The following DNAH6 variants were observed in gnomAD, a reference collection of about 807,000 sequenced individuals.
The protein encoded by DNAH6 is axonemal beta dynein heavy chain 6.
Under a neutral mutation model 491.4 loss-of-function variants are expected in DNAH6, and 340 were observed. The observed-to-expected ratio is 0.69, with a 90% CI of 0.63 to 0.76. DNAH6 has a LOEUF of 0.76. Among genes scored for constraint, DNAH6 ranks in the 30% least tolerant of loss-of-function variants. The probability of loss-of-function intolerance (pLI) is 0.00; values close to 1 mark genes in which losing one functional copy is unlikely to be tolerated. For missense variants in DNAH6, 4,443 were observed against 4,972.2 expected (o/e 0.89, Z 3.20); for synonymous variants, 1,603 against 1,686.1 (o/e 0.95, Z 1.21).
chr2:84,640,444 T>C lies in DNAH6; in HGVS notation c.4836T>C (p.Ser1612=). ...YALIAEVILY[S]EGFESSKILA... is the part of the protein sequence containing the mutation. ...TTCTATTCTAGGTAATTCTATATTC[T>C]GAAGGATTTGAATCCAGTAAAATAT... The change falls in exon 32 of 77, where the codon TCT becomes TCC. Residue 1612 remains serine, a synonymous_variant. Transcript: ENST00000389394. 1.1e-5 allele frequency: 16 copies of C among 1,503,108 alleles called. No homozygotes were observed. The highest frequency in any genetic ancestry group is 1.5e-5 in the Non-Finnish European group (16 of 1,103,288). The allele number at this position is 1,503,108 out of a possible 1,614,324, so 93.1% of individuals were successfully genotyped here.
intron 58 of DNAH6, among the ~76,000 whole-genome samples, chr2:84,717,146 C>T (rs1697615340): frequency 6.6e-6 from 1 of 152,176 alleles, no homozygotes; most frequent in African/African-American, 2.4e-5. Context: ...CTTCTGTCTT[C>T]CTTTCTATTT....
intron 13 of DNAH6, 55 bp from the exon 14 acceptor site, chr2:84,579,472 A>G (rs1682797479): frequency 1.3e-6 from 2 of 1,574,388 alleles, no homozygotes; most frequent in Middle Eastern, 1.7e-4. Context: ...TCTGAAATAC[A>G]TAATAAAATG....
chr2:84,816,659 G>A (rs1012154064), intron 76 of DNAH6, among the ~76,000 whole-genome samples: 2 of 152,158 alleles, frequency 1.3e-5, no homozygotes, highest in African/African-American at 4.8e-5. Flanking sequence ...GGAGGCGGAG[G>A]TTGCAGTGAG....
chr2:84,662,357 G>A lies in DNAH6; in HGVS notation c.6084+3188G>A, dbSNP rs578007361. On this transcript the variant is annotated intron_variant, in intron 37 of 76. Transcript: ENST00000389394. Reference sequence around the variant, plus strand: ...TTGGGTAATTCCCTTTCCTAGCCAAGGGAAGCCGTGACAGGCAGTACCTGG... The same window carrying A: ...TTGGGTAATTCCCTTTCCTAGCCAAAGGAAGCCGTGACAGGCAGTACCTGG... 7.4e-4 allele frequency among the ~76,000 whole-genome samples: 113 copies of A among 152,316 alleles called. 2 individuals are homozygous for A. Among genetic ancestry groups the A allele is most frequent in the African/African-American group, 2.4e-3 (98 of 41,562 alleles).
At chr2:84,771,859 T>G (rs1045966792) in intron 64 of DNAH6, among the ~76,000 whole-genome samples, 1 of 152,174 alleles carries the variant, frequency 6.6e-6, no homozygotes, top group Non-Finnish European at 1.5e-5. Context: ...GAAAGGACAC[T>G]AGACAGTAAA....
intron 64 of DNAH6, among the ~76,000 whole-genome samples, chr2:84,768,777 A>T (rs891667541): frequency 6.6e-6 from 1 of 152,232 alleles, no homozygotes; most frequent in Non-Finnish European, 1.5e-5. Context: ...TATATATTCA[A>T]TGCCACCAAA....
Position 84,699,621 on chromosome 2 carries a change from C to T in DNAH6, c.7705C>T (p.Arg2569Cys), listed in dbSNP as rs1428887330. Residue 2569 changes from arginine to cysteine, a missense_variant, in exon 48 of 77, where the codon CGT (arginine) becomes TGT (cysteine). By Grantham distance (180) the Arg-to-Cys change is radical. Coordinates refer to ENST00000389394, the MANE Select transcript of DNAH6 (RefSeq NM_001370.2). ...EVFQYFISKVRQKLHIVLCMS... is the reference protein window; with the variant it reads ...EVFQYFISKVCQKLHIVLCMS... ...GTTTCAATACTTTATCAGCAAAGTG[C>T]GTCAGAAGCTGCACATTGTTCTCTG... is the stretch of plus-strand genomic sequence containing the variant. 1.2e-5 allele frequency: 19 copies of T among 1,550,682 alleles called. No individual in the cohort carries two copies. Among genetic ancestry groups the T allele is most frequent in the Admixed American group, 2.0e-5 (1 of 50,728 alleles).
chr2:84,697,988 C>G (rs1695548972), intron 47 of DNAH6: 3 of 492,466 alleles, frequency 6.1e-6, no homozygotes, highest in Non-Finnish European at 3.7e-6. Flanking sequence ...GCCAGCCTCT[C>G]TTATTCCTCT....
chr2:84,524,197 T>A (rs1443803097), intron 2 of DNAH6, among the ~76,000 whole-genome samples: 1 of 151,878 alleles, frequency 6.6e-6, no homozygotes, highest in Non-Finnish European at 1.5e-5. Flanking sequence ...CATTATGTAA[T>A]GCCCTTTTTT....
At chr2:84,761,234 TCA>T (rs983409194) in intron 63 of DNAH6, among the ~76,000 whole-genome samples, 1 of 151,902 alleles carries the variant, frequency 6.6e-6, no homozygotes, top group Non-Finnish European at 1.5e-5. Context: ...AAGGCAAATA[TCA>T]CATGTTCTCA....
At chr2:84,696,195 A>G (rs1695365034) in intron 46 of DNAH6, among the ~76,000 whole-genome samples, 1 of 151,840 alleles carries the variant, frequency 6.6e-6, no homozygotes, top group East Asian at 1.9e-4. Context: ...CAGAGAAAGC[A>G]AATATTTTCT....
chr2:84,697,934 A>G, intron 47 of DNAH6: 1 of 578,198 alleles, frequency 1.7e-6, no homozygotes, highest in Non-Finnish European at 3.0e-6. Flanking sequence ...AGCAGAAAAC[A>G]GAAATCCCAT....
intron 11 of DNAH6, among the ~76,000 whole-genome samples, chr2:84,571,129 T>C (rs1033072537): frequency 6.6e-6 from 1 of 152,246 alleles, no homozygotes; most frequent in Non-Finnish European, 1.5e-5. Context: ...TGTGAAATAA[T>C]GAATTAACAA....
At position 84,695,680 on chromosome 2, in the gene DNAH6, A is replaced by T. The variant is rs559970938; in HGVS notation, c.7524+1200A>T. On this transcript the variant is annotated intron_variant, in intron 46 of 76. Coordinates refer to ENST00000389394, the MANE Select transcript of DNAH6 (RefSeq NM_001370.2). ...TCCACATTTTAATGTATATCTAGAC[A>T]TGTATGCCCTGTGTACAAAGAGAAA... Among the ~76,000 whole-genome samples the T allele has an allele frequency of 1.0e-3, 153 of 152,200 alleles. 1 individual carries two copies. The highest frequency in any genetic ancestry group is 1.8e-3 in the Non-Finnish European group (124 of 67,904).
intron 9 of DNAH6, among the ~76,000 whole-genome samples, chr2:84,550,297 G>A (rs1679207692): frequency 2.0e-5 from 3 of 152,140 alleles, no homozygotes; most frequent in Admixed American, 2.0e-4. Context: ...GCATTAGTTA[G>A]AGTCTCATAA....
Position 84,552,926 on chromosome 2 carries a change from T to C in DNAH6, c.1494T>C (p.Leu498=), listed in dbSNP as rs1332234532. 1 of 1,606,686 alleles carries C rather than the reference T, an allele frequency of 6.2e-7. No homozygotes were observed. The highest frequency in any genetic ancestry group is 1.3e-5 in the African/African-American group (1 of 74,692). ...ACATATATTCATTTCAGGGGACCCT[T>C]ATGGTGGAAAAGCAAGAAGAAGATG... ...KPEVPDKKGT[L]MVEKQEEDES... is the part of the protein sequence containing the mutation. Residue 498 remains leucine (L), a synonymous_variant, in exon 10 of 77, where the codon CTT becomes CTC. Coordinates refer to ENST00000389394, the MANE Select transcript of DNAH6 (RefSeq NM_001370.2).
At chr2:84,749,194 T>C (rs1468365112) in intron 63 of DNAH6, among the ~76,000 whole-genome samples, 1 of 152,122 alleles carries the variant, frequency 6.6e-6, no homozygotes, top group Non-Finnish European at 1.5e-5. Context: ...TGTCATTCTG[T>C]AGGAAGACAG....
chr2:84,713,287 A>G (rs1278626543), intron 57 of DNAH6, 28 bp downstream of exon 57: 17 of 1,543,854 alleles, frequency 1.1e-5, no homozygotes, highest in Non-Finnish European at 1.5e-5. Flanking sequence ...GGAATTCTCA[A>G]CTTAACTGGA....
chr2:84,759,297 C>T (rs1279000819), intron 63 of DNAH6, among the ~76,000 whole-genome samples: 1 of 151,924 alleles, frequency 6.6e-6, no homozygotes, highest in East Asian at 1.9e-4. Flanking sequence ...TGCCTGAGCT[C>T]AGGAGTTCGA....
Sources: gnomAD v4.1 joint callset for allele counts (sites outside exome capture counted in the v4.1 genomes callset) on GRCh38, gnomAD v4.1.1 for gene constraint, MANE v1.5 for transcripts, NCBI Gene and HGNC (gene_info 2026-07-23, HGNC 2026-07-21) for gene names.